Variants in RPS6KA2 observed in about 807,000 individuals in gnomAD.
RPS6KA2 encodes ribosomal protein S6 kinase A2, also known as ribosomal protein S6 kinase alpha-2.
RPS6KA2 carries 42 observed loss-of-function variants against 91.8 expected under a neutral mutation model. The observed-to-expected ratio is 0.46, with a 90% CI of 0.36 to 0.59. The LOEUF (loss-of-function observed/expected upper bound fraction) is 0.59, where lower values mean the gene tolerates loss of function less well. Ranked by LOEUF, RPS6KA2 falls within the 20% of genes least tolerant of loss-of-function variation. RPS6KA2 has a pLI of 0.00. For synonymous variants in RPS6KA2, 414 were observed against 393.6 expected (o/e 1.05, Z -0.61); for missense variants, 798 against 978.5 (o/e 0.82, Z 2.46).
At chr6:166,679,159 T>G (rs1012849456) in intron 2 of RPS6KA2, among the ~76,000 whole-genome samples, 14 of 152,152 alleles carry the variant, frequency 9.2e-5, no homozygotes, top group South Asian at 2.1e-4. Flanking sequence ...AACAAAAAAA[T>G]AATAAATATT....
At chr6:166,558,375 G>A (rs1179529673) in intron 1 of RPS6KA2, among the ~76,000 whole-genome samples, 1 of 152,196 alleles carries the variant, frequency 6.6e-6, no homozygotes, top group African/African-American at 2.4e-5. Context: ...TTGGCTGGTG[G>A]AGGAGGCCTA....
rs963472097 is a variant in RPS6KA2, at chr6:166,767,373, C to T, written c.123+90827G>A. 2.0e-5 allele frequency among the ~76,000 whole-genome samples: 3 copies of T among 152,164 alleles called. No homozygotes were observed. Among genetic ancestry groups the T allele is most frequent in the Non-Finnish European group, 2.9e-5 (2 of 68,032 alleles). On this transcript the variant is annotated intron_variant, in intron 2 of 21. Transcript: ENST00000503859. This position sits in a 1 kb window ranked among gnomAD's most constrained non-coding sequence, Gnocchi z 4.6. Reference sequence around the variant, plus strand: ...CTCCTCTAACCAAGACCACAAAGGCCGCGCGGATCAATGTGCTCCAGATCA... The same window carrying T: ...CTCCTCTAACCAAGACCACAAAGGCTGCGCGGATCAATGTGCTCCAGATCA...
At chr6:166,497,728 C>T (rs527345906) in intron 8 of RPS6KA2, among the ~76,000 whole-genome samples, 3 of 151,206 alleles carry the variant, frequency 2.0e-5, no homozygotes, top group Non-Finnish European at 4.4e-5. Flanking sequence ...GCGGTCAAAA[C>T]TCTGAAGGGA....
chr6:166,446,258 T>A (rs1167140425), intron 14 of RPS6KA2, among the ~76,000 whole-genome samples: 4 of 152,244 alleles, frequency 2.6e-5, no homozygotes, highest in Non-Finnish European at 5.9e-5. Context: ...GCTTCTGAAG[T>A]GGCTCTGGTC....
At chr6:166,763,643 T>A (rs1478207854) in intron 2 of RPS6KA2, among the ~76,000 whole-genome samples, 1 of 152,154 alleles carries the variant, frequency 6.6e-6, no homozygotes, top group Non-Finnish European at 1.5e-5. Flanking sequence ...AAACCAAAAG[T>A]TAATTAAGAA....
At chr6:166,442,607 G>T (rs191752532) in intron 14 of RPS6KA2, among the ~76,000 whole-genome samples, 2 of 152,164 alleles carry the variant, frequency 1.3e-5, no homozygotes, top group East Asian at 3.9e-4. Flanking sequence ...TCTATCTAAC[G>T]CCTGCAGCTC....
At chr6:166,629,516 C>G (rs972564493), upstream of RPS6KA2, among the ~76,000 whole-genome samples, 4 of 152,208 alleles carry the variant, frequency 2.6e-5, no homozygotes, top group Admixed American at 2.6e-4. Context: ...TGGTAAAATA[C>G]ACGTATACCA....
intron 2 of RPS6KA2, among the ~76,000 whole-genome samples, chr6:166,841,370 T>C (rs1780474293): frequency 6.6e-6 from 1 of 152,280 alleles, no homozygotes; most frequent in Admixed American, 6.5e-5. Flanking sequence ...CGCGTGCTTC[T>C]TGCCATGCTG....
intron 2 of RPS6KA2, among the ~76,000 whole-genome samples, chr6:166,649,031 C>T (rs749202058): frequency 6.6e-6 from 1 of 152,238 alleles, no homozygotes; most frequent in Non-Finnish European, 1.5e-5. Context: ...TCCCTCTCCA[C>T]TGCTCTGCCC....
chr6:166,627,194 C>A lies in RPS6KA2; in HGVS notation c.-175G>T, dbSNP rs1411968161. 1 of 1,047,394 alleles carries A rather than the reference C, an allele frequency of 9.5e-7. No individual in the cohort carries two copies. The highest frequency in any genetic ancestry group is 1.1e-6 in the Non-Finnish European group (1 of 871,630). The allele number at this position is 1,047,394 out of a possible 1,614,324, so 64.9% of individuals were successfully genotyped here. The stretch of plus-strand genomic sequence containing the variant: ...GTCACAAAGGGCAGGCCGCGCCGGC[C>A]ACCGCGGCCGGGGCCACAATCGCTC... On this transcript the variant is annotated 5_prime_UTR_variant, in exon 1 of 21. Transcript: ENST00000265678.
intron 1 of RPS6KA2, among the ~76,000 whole-genome samples, chr6:166,582,455 A>T (rs1785051682): frequency 6.6e-6 from 1 of 152,222 alleles, no homozygotes; most frequent in African/African-American, 2.4e-5. Flanking sequence ...CACCACCATG[A>T]CCTCATTAGT....
rs1175409557 is a variant in RPS6KA2 at position 166,737,667 on chromosome 6, C to T, written c.123+120533G>A. ...CCTCCCAGCTTTCCAGGCTAACGTCCGGATAATCCCCCCAGGTACCTGGGC... is the reference window on the plus strand; with the variant it reads ...CCTCCCAGCTTTCCAGGCTAACGTCTGGATAATCCCCCCAGGTACCTGGGC... On this transcript the variant is annotated intron_variant, in intron 2 of 21. Transcript: ENST00000503859. The surrounding 1 kb of genome is among the most constrained non-coding windows in gnomAD (Gnocchi z 4.3). Among the ~76,000 whole-genome samples the T allele has an allele frequency of 1.3e-5, 2 of 152,120 alleles. No homozygotes were observed. The highest frequency in any genetic ancestry group is 2.9e-5 in the Non-Finnish European group (2 of 68,024).
At chr6:166,844,118 A>G (rs546663712) in intron 2 of RPS6KA2, among the ~76,000 whole-genome samples, 2 of 152,266 alleles carry the variant, frequency 1.3e-5, no homozygotes, top group East Asian at 3.9e-4. Flanking sequence ...TTAGAGAAAT[A>G]CAAAATGTGC....
At chr6:166,450,751 GGGGACCACCACA>G (rs1345104067) in intron 13 of RPS6KA2, among the ~76,000 whole-genome samples, 12 of 149,274 alleles carry the variant, frequency 8.0e-5, no homozygotes, top group Non-Finnish European at 1.2e-4. Flanking sequence ...ACACCACCAT[GGGGACCACCACA>G]GGGACCACCA....
chr6:166,762,119 AG>A (rs1562424585), intron 2 of RPS6KA2, among the ~76,000 whole-genome samples: 1 of 152,176 alleles, frequency 6.6e-6, no homozygotes, highest in Non-Finnish European at 1.5e-5. Context: ...GACCAAGACA[AG>A]TGGCAGAAAC....
intron 3 of RPS6KA2, among the ~76,000 whole-genome samples, chr6:166,511,220 A>G (rs908019128): frequency 2.6e-5 from 4 of 151,924 alleles, no homozygotes; most frequent in African/African-American, 9.7e-5. Flanking sequence ...CTGTGGGCTG[A>G]TATCTGGCAT....
intron 2 of RPS6KA2, among the ~76,000 whole-genome samples, chr6:166,633,328 G>A (rs1787141571): frequency 6.6e-6 from 1 of 152,328 alleles, no homozygotes; most frequent in South Asian, 2.1e-4. Flanking sequence ...TCTACCTCTG[G>A]CCAGTGTGTA....
rs560378025 is a variant in RPS6KA2 at position 166,852,149 on chromosome 6, G to A, written c.123+6051C>T. 2.2e-4 allele frequency among the ~76,000 whole-genome samples: 34 copies of A among 152,294 alleles called. No homozygotes were observed. Among genetic ancestry groups the A allele is most frequent in the African/African-American group, 8.2e-4 (34 of 41,574 alleles). ...TTCTAGCATTTCTGCAAGGACTAAA[G>A]TGATTCTTGTCTGCTGGACAGAGAA... is the stretch of plus-strand genomic sequence containing the variant. On this transcript the variant is annotated intron_variant, in intron 2 of 21. Coordinates refer to the RPS6KA2 transcript ENST00000503859. The surrounding 1 kb of genome is among the most constrained non-coding windows in gnomAD (Gnocchi z 4.1).
At chr6:166,567,609 G>A (rs903908555) in intron 1 of RPS6KA2, among the ~76,000 whole-genome samples, 1 of 152,216 alleles carries the variant, frequency 6.6e-6, no homozygotes, top group African/African-American at 2.4e-5. Context: ...AAAACAGAGA[G>A]TAGTAAATCG....
Sources: gnomAD v4.1 joint callset for allele counts (sites outside exome capture counted in the v4.1 genomes callset) on GRCh38, gnomAD v4.1.1 for gene constraint, Gnocchi (gnomAD v3.1) non-coding constraint, MANE v1.5 for transcripts, NCBI Gene and HGNC (gene_info 2026-07-23, HGNC 2026-07-21) for gene names.